The following DNAAF9 variants were observed in gnomAD, a reference collection of about 807,000 sequenced individuals.
The protein encoded by DNAAF9 is shulin.
DNAAF9 carries 90 observed loss-of-function variants against 167.0 expected under a neutral mutation model. That is an observed-to-expected ratio of 0.54 (90% CI 0.45 to 0.64). The LOEUF is 0.64. DNAAF9 is among the 30% of genes least tolerant of loss of function. The pLI, the probability that DNAAF9 is intolerant of heterozygous loss-of-function variation, is 0.00. For synonymous variants in DNAAF9, 491 were observed against 508.8 expected (o/e 0.96, Z 0.47); for missense variants, 1,315 against 1,442.2 (o/e 0.91, Z 1.43).
chr20:3,330,878 G>A (rs778460004), intron 11 of DNAAF9, among the ~76,000 whole-genome samples, 196 bp from the exon 12 acceptor site: 8 of 146,974 alleles, frequency 5.4e-5, no homozygotes, highest in East Asian at 2.0e-4. Flanking sequence ...TGCAACCTCC[G>A]CCTCCCAGGT....
intron 27 of DNAAF9, among the ~76,000 whole-genome samples, chr20:3,285,597 T>G (rs2068836953): frequency 6.6e-6 from 1 of 151,364 alleles, no homozygotes; most frequent in African/African-American, 2.4e-5. Context: ...GAGAATTGCT[T>G]GAACCCAGGA....
intron 13 of DNAAF9, among the ~76,000 whole-genome samples, chr20:3,325,230 T>C (rs1175381354): frequency 6.6e-6 from 1 of 152,246 alleles, no homozygotes; most frequent in South Asian, 2.1e-4. Context: ...CCTGACGTGC[T>C]GGATCCAGAG....
In DNAAF9 at chr20:3,255,908, G is replaced by A. The variant is rs117680746; in HGVS notation, c.3261+98C>T. 2,228 of 861,922 alleles carry A rather than the reference G, an allele frequency of 2.6e-3. 16 individuals carry two copies. The highest frequency in any genetic ancestry group is 0.021 in the East Asian group (824 of 39,260). The allele number at this position is 861,922 out of a possible 1,614,324, so 53.4% of individuals were successfully genotyped here. On this transcript the variant is annotated intron_variant, in intron 34 of 36. Coordinates refer to ENST00000252032, the MANE Select transcript of DNAAF9 (RefSeq NM_001009984.3). Reference sequence around the variant, plus strand: ...CCAGGGAGAGGAAGCCCAGTGGGGAGGCATCAGGGAGGCAGTGGCGGGGCT... The same window carrying A: ...CCAGGGAGAGGAAGCCCAGTGGGGAAGCATCAGGGAGGCAGTGGCGGGGCT...
At chr20:3,301,176 G>A (rs774793239) in intron 21 of DNAAF9, among the ~76,000 whole-genome samples, 2 of 123,050 alleles carry the variant, frequency 1.6e-5, no homozygotes, top group African/African-American at 3.1e-5. Flanking sequence ...CATCATGCTT[G>A]GCTTTTTTTT....
At chr20:3,304,681 C>T in intron 20 of DNAAF9, 138 bp from the exon 21 acceptor site, 1 of 603,188 alleles carries the variant, frequency 1.7e-6, no homozygotes, top group Admixed American at 3.3e-5. Context: ...ATGCTGAGCC[C>T]TGTGCTCTGA....
At chr20:3,361,083 A>C (rs774033297) in intron 6 of DNAAF9, among the ~76,000 whole-genome samples, 11 of 152,194 alleles carry the variant, frequency 7.2e-5, no homozygotes, top group Non-Finnish European at 1.3e-4. Context: ...GGGAGGTCAA[A>C]GACTCTTTCC....
chr20:3,292,299 C>T lies in DNAAF9; in HGVS notation c.2238+1840G>A, dbSNP rs572599372. On this transcript the variant is annotated intron_variant, in intron 25 of 36. Coordinates refer to ENST00000252032, the MANE Select transcript of DNAAF9 (RefSeq NM_001009984.3). The stretch of plus-strand genomic sequence containing the variant: ...ACAGGCATGAGCCATGCCGCCTGGG[C>T]GAGCACCTTTTAATAAAATACAACA... 1.1e-4 allele frequency among the ~76,000 whole-genome samples: 17 copies of T among 152,158 alleles called. No homozygotes were observed. In the South Asian group the frequency reaches 2.7e-3, roughly 24 times the overall value.
intron 10 of DNAAF9, among the ~76,000 whole-genome samples, chr20:3,332,917 G>C (rs2069866425): frequency 6.6e-6 from 1 of 151,394 alleles, no homozygotes; most frequent in African/African-American, 2.4e-5. Flanking sequence ...GTGTGTGTGT[G>C]TGTGTGTGTG....
At chr20:3,332,900 G>GTGTGTGTGTGT (rs1376871054) in intron 10 of DNAAF9, among the ~76,000 whole-genome samples, 43 of 146,934 alleles carry the variant, frequency 2.9e-4, no homozygotes, top group African/African-American at 9.3e-4. Context: ...GTGTGCGTGT[G>GTGTGTGTGTGT]GTGTGTGTGT....
chr20:3,401,101 T>C (rs912385548), intron 1 of DNAAF9, among the ~76,000 whole-genome samples: 1 of 152,164 alleles, frequency 6.6e-6, no homozygotes, highest in Non-Finnish European at 1.5e-5. Context: ...TCCAAGAGAA[T>C]GAGGGGTAAT....
chr20:3,347,564 T>C (rs769692635), intron 8 of DNAAF9, among the ~76,000 whole-genome samples: 1 of 152,170 alleles, frequency 6.6e-6, no homozygotes, highest in Non-Finnish European at 1.5e-5. Context: ...TTCCCTATTA[T>C]TTAAATCTTT....
chr20:3,273,997 C>T (rs1350632269), intron 29 of DNAAF9, among the ~76,000 whole-genome samples: 1 of 151,814 alleles, frequency 6.6e-6, no homozygotes, highest in Admixed American at 6.6e-5. Flanking sequence ...TTACATCTTC[C>T]TTCAAATCTT....
rs371750750 is a variant in DNAAF9 at position 3,305,545 on chromosome 20, G to A, written c.1679-1002C>T. On this transcript the variant is annotated intron_variant, in intron 20 of 36. Coordinates refer to ENST00000252032, the MANE Select transcript of DNAAF9 (RefSeq NM_001009984.3). Reference sequence around the variant, plus strand: ...TGTAGCTCCAGAAAAGCAGTGCAAAGCTCTGGAGGCTGGAATGACAAGAAT... The same window carrying A: ...TGTAGCTCCAGAAAAGCAGTGCAAAACTCTGGAGGCTGGAATGACAAGAAT... Among the ~76,000 whole-genome samples the A allele has an allele frequency of 6.6e-5, 10 of 152,344 alleles. No homozygotes were observed. In the Middle Eastern group the frequency reaches 0.01, roughly 155 times the overall value.
intron 31 of DNAAF9, among the ~76,000 whole-genome samples, chr20:3,260,883 CA>C (rs1377380513): frequency 3.3e-5 from 5 of 152,298 alleles, no homozygotes; most frequent in African/African-American, 1.2e-4. Context: ...CTGCCCACCT[CA>C]ACTTCCCAAA....
rs568015941 is a variant in DNAAF9, at chr20:3,393,264, G to A, written c.84-10758C>T. On this transcript the variant is annotated intron_variant, in intron 1 of 36. Coordinates refer to ENST00000252032, the MANE Select transcript of DNAAF9 (RefSeq NM_001009984.3). The stretch of plus-strand genomic sequence containing the variant: ...ACAGTCTTAGCTCACTGCAACCTCC[G>A]CCTCCTGGGTTCAAGTGATTCTCCT... Among the ~76,000 whole-genome samples the A allele has an allele frequency of 2.6e-5, 4 of 152,120 alleles. No individual in the cohort carries two copies. The East Asian group carries it at 5.8e-4, about 22-fold the overall frequency.
chr20:3,395,880 C>A (rs138774170), intron 1 of DNAAF9, among the ~76,000 whole-genome samples: 71 of 152,136 alleles, frequency 4.7e-4, no homozygotes, highest in African/African-American at 1.5e-3. Context: ...GTGTCCCCAC[C>A]CAAATCTCAT....
chr20:3,349,114 G>A (rs1167029256), intron 7 of DNAAF9, among the ~76,000 whole-genome samples: 1 of 149,198 alleles, frequency 6.7e-6, no homozygotes, highest in African/African-American at 2.5e-5. Context: ...GGAACTTTGG[G>A]AGGCCCAGGT....
In DNAAF9 at chr20:3,340,535, G is replaced by T. The variant is rs778002582; in HGVS notation, c.950C>A (p.Thr317Asn). Reference protein sequence around the residue: ...FPSEGHLVRSTGPGGSFAKHM... With the variant: ...FPSEGHLVRSNGPGGSFAKHM... ...CTTGGCAAAGCTCCCGCCGGGACCAGTGCTTCGTACCAGATGTCCTTCAGA... is the reference window on the plus strand; with the variant it reads ...CTTGGCAAAGCTCCCGCCGGGACCATTGCTTCGTACCAGATGTCCTTCAGA... Residue 317 changes from threonine (T) to asparagine (N), a missense_variant, in exon 10 of 37, where the codon ACT (threonine) becomes AAT (asparagine). Physicochemically the swap from Thr to Asn is moderately conservative, Grantham distance 65. Transcript: ENST00000252032. 1.9e-6 allele frequency: 3 copies of T among 1,556,362 alleles called. No homozygotes were observed. Among genetic ancestry groups the T allele is most frequent in the Non-Finnish European group, 2.6e-6 (3 of 1,144,682 alleles).
chr20:3,407,396 T>C, intron 1 of DNAAF9, 79 bp downstream of exon 1: 1 of 1,142,712 alleles, frequency 8.8e-7, no homozygotes, highest in East Asian at 3.3e-5. Context: ...GACCACGCCC[T>C]GCGGCGGGAG....
Sources: gnomAD v4.1 joint callset for allele counts (sites outside exome capture counted in the v4.1 genomes callset) on GRCh38, gnomAD v4.1.1 for gene constraint, MANE v1.5 for transcripts, NCBI Gene and HGNC (gene_info 2026-07-23, HGNC 2026-07-21) for gene names.